Variants in KLRG1 observed in about 807,000 individuals in gnomAD.
KLRG1 encodes killer cell lectin-like receptor subfamily G member 1.
KLRG1 carries 16 observed loss-of-function variants against 21.8 expected under a neutral mutation model. The ratio of observed to expected loss-of-function variants is 0.73; its 90% confidence interval spans 0.50 to 1.11. The LOEUF (loss-of-function observed/expected upper bound fraction) is 1.11. Ranked by LOEUF, KLRG1 falls within the 50% of genes most tolerant of loss-of-function variation. The pLI is 0.00. For missense variants in KLRG1, 173 were observed against 218.3 expected, an observed-to-expected ratio of 0.79 and a Z score of 1.31; for synonymous variants, 69 against 75.9, an observed-to-expected ratio of 0.91 and a Z score of 0.47.
chr12:9,039,493 TTTCCTCTGTTTCTTC>T, the KLRG1 span, among the ~76,000 whole-genome samples: 1 of 152,260 alleles, frequency 6.6e-6, no homozygotes, highest in African/African-American at 2.4e-5. Flanking sequence ...TTCATGGCCT[TTTCCTCTGTTTCTTC>T]TTCCTCATGA....
At chr12:8,955,476 G>A (rs117331921) in intron 1 of KLRG1, among the ~76,000 whole-genome samples, 7,658 of 133,840 alleles carry the variant, frequency 0.057, 278 homozygotes, top group Middle Eastern at 0.093. Flanking sequence ...CTGCAGCTTC[G>A]ACCTCCCAGG....
At chr12:9,008,929 G>T in intron 3 of KLRG1, 46 bp from the exon 4 acceptor site, 3 of 1,247,928 alleles carry the variant, frequency 2.4e-6, no homozygotes, top group South Asian at 2.5e-5. Context: ...ATAATTGTTT[G>T]ACTGTGACAC....
At chr12:9,010,927 TGGAAA>T (rs1565556008), downstream of KLRG1, among the ~76,000 whole-genome samples, 1 of 152,210 alleles carries the variant, frequency 6.6e-6, no homozygotes, top group Non-Finnish European at 1.5e-5. Context: ...AAGGAAGTCG[TGGAAA>T]CAAGCTCCCA....
At chr12:9,136,338 T>A in the KLRG1 span, among the ~76,000 whole-genome samples, 1 of 152,332 alleles carries the variant, frequency 6.6e-6, no homozygotes, top group African/African-American at 2.4e-5. Context: ...TCATCTATTT[T>A]GTGAACTTTG....
chr12:9,164,534 T>C, the KLRG1 span, among the ~76,000 whole-genome samples: 1 of 152,244 alleles, frequency 6.6e-6, no homozygotes, highest in Non-Finnish European at 1.5e-5. Context: ...AGTGATTGTA[T>C]ATTGCCCTAG....
At chr12:9,096,689 G>A in the KLRG1 span, among the ~76,000 whole-genome samples, 1 of 152,318 alleles carries the variant, frequency 6.6e-6, no homozygotes, top group East Asian at 1.9e-4. Context: ...TGATTGACAA[G>A]AACAGATGAG....
At chr12:9,061,768 T>A in the KLRG1 span, among the ~76,000 whole-genome samples, 1 of 152,334 alleles carries the variant, frequency 6.6e-6, no homozygotes, top group East Asian at 1.9e-4. Context: ...GTCTTCATTG[T>A]CCACATCGGT....
chr12:9,180,844 A>C, the KLRG1 span: 1 of 782,954 alleles, frequency 1.3e-6, no homozygotes. Context: ...AAAAGAAACT[A>C]CCATCAGAGT....
intron 1 of KLRG1, among the ~76,000 whole-genome samples, chr12:8,972,443 G>A (rs990617722): frequency 2.6e-5 from 4 of 152,248 alleles, no homozygotes; most frequent in African/African-American, 7.2e-5. Flanking sequence ...ACAGGCGTGA[G>A]CCACTGCACC....
chr12:9,198,338 T>G, the KLRG1 span, among the ~76,000 whole-genome samples: 2 of 152,190 alleles, frequency 1.3e-5, no homozygotes, highest in African/African-American at 4.8e-5. Context: ...GGTGAGAGAC[T>G]CTGTCTACTA....
the KLRG1 span, among the ~76,000 whole-genome samples, chr12:9,117,901 A>G: frequency 6.6e-6 from 1 of 151,998 alleles, no homozygotes; most frequent in Non-Finnish European, 1.5e-5. Flanking sequence ...TTTTTTTCAT[A>G]ATTTGTTTTC....
chr12:9,042,794 A>G, the KLRG1 span, among the ~76,000 whole-genome samples: 1 of 152,196 alleles, frequency 6.6e-6, no homozygotes, highest in African/African-American at 2.4e-5. Flanking sequence ...GCAGTTTGAT[A>G]TTGACCAGCA....
chr12:9,089,397 C>A, the KLRG1 span: 1 of 652,622 alleles, frequency 1.5e-6, no homozygotes, highest in South Asian at 1.9e-5. Flanking sequence ...AAGCAATATA[C>A]GTAGGAGGTA....
At chr12:9,028,255 G>A in the KLRG1 span, 3 of 487,714 alleles carry the variant, frequency 6.2e-6, no homozygotes, top group Non-Finnish European at 7.3e-6. Context: ...AGATTCAAGC[G>A]ATTCTTCTGC....
chr12:9,072,694 A>G, the KLRG1 span: 2 of 1,614,124 alleles, frequency 1.2e-6, no homozygotes, highest in East Asian at 2.2e-5. Flanking sequence ...TTCATGCTGT[A>G]TTCCCCAGGC....
chr12:9,194,156 T>C, the KLRG1 span: 1 of 1,613,972 alleles, frequency 6.2e-7, no homozygotes, highest in South Asian at 1.1e-5. Context: ...GGTGGTTGCA[T>C]TGGAGTAATA....
the KLRG1 span, among the ~76,000 whole-genome samples, chr12:9,069,375 T>C: frequency 2.6e-5 from 4 of 152,324 alleles, no homozygotes; most frequent in Admixed American, 2.6e-4. Context: ...GACTGACAGT[T>C]TTTTTTCCCT....
intron 1 of KLRG1, among the ~76,000 whole-genome samples, chr12:8,970,278 T>G (rs897976325): frequency 6.6e-6 from 1 of 152,238 alleles, no homozygotes; most frequent in African/African-American, 2.4e-5. Flanking sequence ...TGTACTATAG[T>G]GGCAGAAGTG....
the KLRG1 span, among the ~76,000 whole-genome samples, chr12:9,129,547 A>C: frequency 1.3e-5 from 2 of 152,086 alleles, no homozygotes; most frequent in Non-Finnish European, 2.9e-5. Context: ...ATGAAGATGC[A>C]GGTATGGGTT....
Sources: gnomAD v4.1 joint callset for allele counts (sites outside exome capture counted in the v4.1 genomes callset) on GRCh38, gnomAD v4.1.1 for gene constraint, MANE v1.5 for transcripts, NCBI Gene and HGNC (gene_info 2026-07-23, HGNC 2026-07-21) for gene names.